Variants in TNKS1BP1 observed in about 807,000 individuals in gnomAD.
TNKS1BP1 encodes CCR4-NOT transcription complex subunit 12.
A neutral mutation model predicts 141.1 loss-of-function variants in TNKS1BP1; 48 were observed. The ratio of observed to expected loss-of-function variants is 0.34; its 90% CI spans 0.27 to 0.43. The LOEUF (loss-of-function observed/expected upper bound fraction) is 0.43, where lower values mean the gene tolerates loss of function less well. TNKS1BP1 is among the 20% of genes least tolerant of loss of function. TNKS1BP1 has a pLI of 1.00. For synonymous variants in TNKS1BP1, 875 were observed against 898.2 expected (o/e 0.97, Z 0.46); for missense variants, 2,149 against 2,226.0 (o/e 0.97, Z 0.70).
rs199971083 is a variant in TNKS1BP1 at position 57,309,450 on chromosome 11, G to C, written c.3261C>G (p.Val1087=). ...GGCCAACACTGAGGCTAAACTCACCGACCCAGCCTCGCTTTCCCATCTCCC... is the reference window on the plus strand; with the variant it reads ...GGCCAACACTGAGGCTAAACTCACCCACCCAGCCTCGCTTTCCCATCTCCC... ...EDGEMGKRGW[V]GEFSLSVGPQ... is the part of the protein sequence containing the mutation. The change falls in exon 6 of 12, where the codon GTC becomes GTG. Residue 1087 remains valine, a synonymous_variant. Coordinates refer to ENST00000358252, the MANE Select transcript of TNKS1BP1 (RefSeq NM_033396.3). This position sits in a 1 kb window ranked among gnomAD's most constrained non-coding sequence, Gnocchi z 4.3. 1.2e-6 allele frequency: 2 copies of C among 1,614,038 alleles called. No individual in the cohort carries two copies. Among genetic ancestry groups the C allele is most frequent in the South Asian group, 2.2e-5 (2 of 91,070 alleles).
intron 6 of TNKS1BP1, among the ~76,000 whole-genome samples, chr11:57,305,455 T>C (rs1406614561): frequency 6.6e-6 from 1 of 152,166 alleles, no homozygotes; most frequent in Non-Finnish European, 1.5e-5. Flanking sequence ...TAGAGTACCC[T>C]GAGGACCAAG....
chr11:57,307,791 G>T (rs1015816918), intron 6 of TNKS1BP1, among the ~76,000 whole-genome samples: 3 of 152,220 alleles, frequency 2.0e-5, no homozygotes, highest in African/African-American at 4.8e-5. Flanking sequence ...GCCTTGCAAA[G>T]CCTTTGGAAA....
rs1855940257 is a variant in TNKS1BP1 at position 57,324,691 on chromosome 11, C to G, written c.-66+149G>C. Reference sequence around the variant, plus strand: ...GGGCCTCCAGCGTCCCCAGCGCCCTCGGCCCCTGCAAACTTTCCTGGTGAC... The same window carrying G: ...GGGCCTCCAGCGTCCCCAGCGCCCTGGGCCCCTGCAAACTTTCCTGGTGAC... On this transcript the variant is annotated intron_variant, in intron 1 of 11. Coordinates refer to ENST00000358252, the MANE Select transcript of TNKS1BP1 (RefSeq NM_033396.3). 5 of 811,412 alleles carry G rather than the reference C, an allele frequency of 6.2e-6. No individual in the cohort carries two copies. In the South Asian group the frequency reaches 1.7e-4, roughly 27 times the overall value. 50.3% of individuals were successfully genotyped at this position (811,412 alleles called of 1,614,324 possible). A position where few individuals can be genotyped will look rare whatever the true frequency, so the allele number is the denominator to read the frequency against.
rs889532397 is a variant in TNKS1BP1, at chr11:57,311,186, C to G, written c.2155-630G>C. Reference sequence around the variant, plus strand: ...GGCAGCCTCTGGCACAGGGGAAAATCCCAGCCAGGGCTTCTTGCACCCCAC... The same window carrying G: ...GGCAGCCTCTGGCACAGGGGAAAATGCCAGCCAGGGCTTCTTGCACCCCAC... On this transcript the variant is annotated intron_variant, in intron 5 of 11. Transcript: ENST00000358252. 6 of 973,044 alleles carry G rather than the reference C, an allele frequency of 6.2e-6. No individual in the cohort carries two copies. The Admixed American group carries it at 3.7e-4, about 60-fold the overall frequency. 60.3% of individuals were successfully genotyped at this position (973,044 alleles called of 1,614,324 possible).
chr11:57,324,308 G>A (rs540231357), intron 1 of TNKS1BP1, among the ~76,000 whole-genome samples: 5 of 152,218 alleles, frequency 3.3e-5, no homozygotes, highest in African/African-American at 1.2e-4. Context: ...GGGGCCCAGT[G>A]GGGAGCTCTG....
chr11:57,308,639 C>T lies in TNKS1BP1; in HGVS notation c.4072G>A (p.Ala1358Thr). The T allele has an allele frequency of 6.2e-7, 1 of 1,613,408 alleles. No individual in the cohort carries two copies. The highest frequency in any genetic ancestry group is 8.5e-7 in the Non-Finnish European group (1 of 1,179,994). The change falls in exon 6 of 12, where the codon GCT becomes ACT. Residue 1358 changes from alanine to threonine, a missense_variant. By Grantham distance (58) the Ala-to-Thr change is moderately conservative. Transcript: ENST00000358252. ...LAPQNVELFG[A>T]PSEAREHGVG... ...CCATGCTCCCTGGCTTCACTTGGAG[C>T]CCCAAAGAGCTCCACATTCTGGGGC...
chr11:57,309,324 G>A lies in TNKS1BP1; in HGVS notation c.3387C>T (p.Asn1129=), dbSNP rs138213302. ...TAAAGCCAGCACCACTCACTCTGTC[G>A]TTGCCAATGATGCCAAACTGATAGC... ...ERSYQFGIIG[N]DRVSGAGFSP... Residue 1129 remains asparagine, a synonymous_variant, in exon 6 of 12, where the codon AAC becomes AAT. Transcript: ENST00000358252. This position sits in a 1 kb window ranked among gnomAD's most constrained non-coding sequence, Gnocchi z 4.3. The A allele has an allele frequency of 3.2e-4, 515 of 1,614,114 alleles. 3 individuals are homozygous for A. The highest frequency in any genetic ancestry group is 7.1e-4 in the South Asian group (65 of 91,084).
rs567974025 is a variant in TNKS1BP1 at position 57,320,260 on chromosome 11, A to C, written c.547T>G (p.Trp183Gly). 1.9e-6 allele frequency: 3 copies of C among 1,614,088 alleles called. No homozygotes were observed. The highest frequency in any genetic ancestry group is 2.5e-6 in the Non-Finnish European group (3 of 1,180,020). The change falls in exon 3 of 12, where the codon TGG becomes GGG. Residue 183 changes from tryptophan to glycine, a missense_variant. Trp to Gly is a radical substitution (Grantham distance 184, BLOSUM62 -2). Coordinates refer to ENST00000358252, the MANE Select transcript of TNKS1BP1 (RefSeq NM_033396.3). ...KEVLASPDRL[W>G]GSRLTFNHDG... ...TGGTTAAAGGTGAGGCGGGAACCCC[A>C]CAGGCGGTCGGGGCTGGCAAGGACC...
chr11:57,313,674 A>C lies in TNKS1BP1; in HGVS notation c.1014T>G (p.Ala338=). The C allele has an allele frequency of 2.6e-6, 4 of 1,567,816 alleles. 1 individual carries two copies. Among genetic ancestry groups the C allele is most frequent in the Non-Finnish European group, 3.5e-6 (4 of 1,156,146 alleles). ...ASPCPAVTPS[A]PSAALPDEGS... The stretch of plus-strand genomic sequence containing the variant: ...CCTCGTCAGGCAGGGCTGCACTTGG[A>C]GCTGATGGAGTCACAGCGGGGCAGG... The change falls in exon 5 of 12, where the codon GCT becomes GCG. Residue 338 remains alanine (A), a synonymous_variant. Transcript: ENST00000358252.
chr11:57,300,650 A>G, intron 10 of TNKS1BP1, 50 bp from the exon 11 acceptor site: 1 of 1,610,840 alleles, frequency 6.2e-7, no homozygotes, highest in Non-Finnish European at 8.5e-7. Context: ...AGGAAACTGA[A>G]CACAACAAGG....
intron 6 of TNKS1BP1, among the ~76,000 whole-genome samples, chr11:57,304,133 C>CCA (rs368473719): frequency 1.3e-5 from 2 of 151,938 alleles, no homozygotes; most frequent in Non-Finnish European, 2.9e-5. Flanking sequence ...CACCCCCACC[C>CCA]CACACACACA....
chr11:57,309,044 C>A lies in TNKS1BP1; in HGVS notation c.3667G>T (p.Gly1223Trp). The A allele has an allele frequency of 1.2e-6, 2 of 1,614,202 alleles. No individual in the cohort carries two copies. The highest frequency in any genetic ancestry group is 1.7e-6 in the Non-Finnish European group (2 of 1,180,034). Residue 1223 changes from glycine to tryptophan, a missense_variant, in exon 6 of 12, where the codon GGG becomes TGG. Transcript: ENST00000358252. This position sits in a 1 kb window ranked among gnomAD's most constrained non-coding sequence, Gnocchi z 4.3. ...ACATCAGAAGTCCAGTCCTTCTCCC[C>A]AACTCCGATTCCCCCCGGCTCTTCA... ...GSEEPGGIGV[G>W]EKDWTSDVNV...
At chr11:57,323,374 G>T (rs1386614962) in intron 1 of TNKS1BP1, among the ~76,000 whole-genome samples, 5 of 152,192 alleles carry the variant, frequency 3.3e-5, no homozygotes, top group Non-Finnish European at 7.3e-5. Flanking sequence ...CTGGGGGATA[G>T]GGCCCTGCAC....
Position 57,311,343 on chromosome 11 carries a change from C to T in TNKS1BP1, c.2155-787G>A, listed in dbSNP as rs572934872. The T allele has an allele frequency of 8.0e-4, 788 of 985,808 alleles. 30 individuals carry two copies. Among genetic ancestry groups the T allele is most frequent in the Non-Finnish European group, 7.3e-5 (61 of 830,168 alleles). 61.1% of individuals were successfully genotyped at this position (985,808 alleles called of 1,614,324 possible). ...GCTCCAGGATAGACATGCTGGCCTC[C>T]CCATCCCCAGGCTGGGCCATGGCCC... On this transcript the variant is annotated intron_variant, in intron 5 of 11. Coordinates refer to ENST00000358252, the MANE Select transcript of TNKS1BP1 (RefSeq NM_033396.3).
chr11:57,322,075 G>A (rs867533471), intron 1 of TNKS1BP1, 125 bp from the exon 2 acceptor site: 33 of 789,202 alleles, frequency 4.2e-5, no homozygotes, highest in South Asian at 1.5e-4. Flanking sequence ...TTGGAGTGGG[G>A]GGGGGGGGGT....
chr11:57,314,696 GA>G (rs1453264933), intron 4 of TNKS1BP1, among the ~76,000 whole-genome samples: 1 of 152,118 alleles, frequency 6.6e-6, no homozygotes, highest in East Asian at 1.9e-4. Flanking sequence ...GTGGAGAGAA[GA>G]GGGGGACAAA....
intron 6 of TNKS1BP1, chr11:57,303,172 T>G: frequency 4.3e-6 from 1 of 230,970 alleles, no homozygotes; most frequent in Non-Finnish European, 8.4e-6. Context: ...GCAGCCATTA[T>G]TCCTGCTGCT....
rs1565040383 is a variant in TNKS1BP1 at position 57,308,933 on chromosome 11, A to T, written c.3778T>A (p.Trp1260Arg). Residue 1260 changes from tryptophan to arginine, a missense_variant, in exon 6 of 12, where the codon TGG becomes AGG. Coordinates refer to ENST00000358252, the MANE Select transcript of TNKS1BP1 (RefSeq NM_033396.3). Reference sequence around the variant, plus strand: ...AACTCTCCGGCCTCCACACCTGACCAGTCAGTCTGCCCCACGCCACTCTCT... The same window carrying T: ...AACTCTCCGGCCTCCACACCTGACCTGTCAGTCTGCCCCACGCCACTCTCT... ...ARESGVGQTDWSGVEAGEFLK... is the reference protein window; with the variant it reads ...ARESGVGQTDRSGVEAGEFLK... 2 of 1,614,002 alleles carry T rather than the reference A, an allele frequency of 1.2e-6. No individual in the cohort carries two copies. Among genetic ancestry groups the T allele is most frequent in the South Asian group, 1.1e-5 (1 of 91,074 alleles).
chr11:57,306,385 G>GA lies in TNKS1BP1; in HGVS notation c.4316+2009dup, dbSNP rs578235731. On this transcript the variant is annotated intron_variant, in intron 6 of 11. Transcript: ENST00000358252. The stretch of plus-strand genomic sequence containing the variant: ...CTTGGACATTAGCCAAATTAGCTTG[G>GA]AAAATACTGCATTACTTGTCTTTAA... Among the ~76,000 whole-genome samples the GA allele has an allele frequency of 2.8e-3, 421 of 152,210 alleles. 1 individual carries two copies. The highest frequency in any genetic ancestry group is 4.4e-3 in the Non-Finnish European group (301 of 68,018).
Sources: gnomAD v4.1 joint callset for allele counts (sites outside exome capture counted in the v4.1 genomes callset) on GRCh38, gnomAD v4.1.1 for gene constraint, Gnocchi (gnomAD v3.1) non-coding constraint, MANE v1.5 for transcripts, NCBI Gene and HGNC (gene_info 2026-07-23, HGNC 2026-07-21) for gene names.